The following PLXDC2 variants were observed in gnomAD, a reference collection of about 807,000 sequenced individuals.
PLXDC2 encodes plexin domain-containing protein 2.
Under a neutral mutation model 68.9 loss-of-function variants are expected in PLXDC2, and 40 were observed. The observed-to-expected ratio is 0.58, with a 90% CI of 0.45 to 0.76. The LOEUF is 0.76. PLXDC2 is among the 30% of genes least tolerant of loss of function. The pLI is 0.00. For synonymous variants in PLXDC2, 243 were observed against 234.2 expected, an observed-to-expected ratio of 1.04 and a Z score of -0.34; for missense variants, 644 against 661.9, an observed-to-expected ratio of 0.97 and a Z score of 0.30.
intron 9 of PLXDC2, among the ~76,000 whole-genome samples, chr10:20,202,081 C>T (rs562841188): frequency 9.2e-5 from 14 of 152,152 alleles, no homozygotes; most frequent in Admixed American, 3.9e-4. Context: ...AAATTGTGTG[C>T]GGCAGTTCAG....
At chr10:20,051,263 C>T (rs1371678855) in intron 3 of PLXDC2, among the ~76,000 whole-genome samples, 1 of 151,444 alleles carries the variant, frequency 6.6e-6, no homozygotes, top group East Asian at 1.9e-4. Flanking sequence ...GGCAGAGGAG[C>T]AGAAAAGGTA....
At chr10:20,114,937 C>A (rs745703135) in intron 4 of PLXDC2, among the ~76,000 whole-genome samples, 2 of 152,174 alleles carry the variant, frequency 1.3e-5, no homozygotes, top group African/African-American at 2.4e-5. Context: ...AAGTAAAGCA[C>A]TGAATACAAA....
chr10:19,903,357 G>C (rs1268011714), intron 1 of PLXDC2, among the ~76,000 whole-genome samples: 2 of 148,640 alleles, frequency 1.3e-5, no homozygotes, highest in Non-Finnish European at 3.0e-5. Context: ...AATCTCACTT[G>C]TTACTGGTCT....
intron 9 of PLXDC2, among the ~76,000 whole-genome samples, chr10:20,204,353 A>T (rs7922810): frequency 0.21 from 31,680 of 152,056 alleles, 4,331 homozygotes; most frequent in East Asian, 0.4. Context: ...ATTTTATGTC[A>T]TAATAAAACA....
At chr10:19,933,471 TA>T (rs776644173) in intron 1 of PLXDC2, among the ~76,000 whole-genome samples, 3 of 151,666 alleles carry the variant, frequency 2.0e-5, no homozygotes, top group Non-Finnish European at 4.4e-5. Flanking sequence ...CCATCTCTCG[TA>T]AAAATACAAA....
chr10:20,037,984 C>T (rs984977349), intron 2 of PLXDC2, among the ~76,000 whole-genome samples: 2 of 152,182 alleles, frequency 1.3e-5, no homozygotes, highest in African/African-American at 2.4e-5. Context: ...GAAGTACATG[C>T]CTGTAATCCC....
chr10:19,832,007 C>T (rs997116284), intron 1 of PLXDC2, among the ~76,000 whole-genome samples: 1 of 152,110 alleles, frequency 6.6e-6, no homozygotes, highest in African/African-American at 2.4e-5. Context: ...TTTTGTTAGT[C>T]CAATAATCTG....
At chr10:19,838,335 A>G (rs1217904558) in intron 1 of PLXDC2, among the ~76,000 whole-genome samples, 1 of 152,196 alleles carries the variant, frequency 6.6e-6, no homozygotes, top group Non-Finnish European at 1.5e-5. Flanking sequence ...AGATTATGGA[A>G]TTATTCATTT....
At chr10:20,264,917 A>C (rs1452720387) in intron 13 of PLXDC2, among the ~76,000 whole-genome samples, 1 of 152,178 alleles carries the variant, frequency 6.6e-6, no homozygotes, top group Non-Finnish European at 1.5e-5. Context: ...TGTGTACCTG[A>C]GATTATTTAC....
intron 6 of PLXDC2, among the ~76,000 whole-genome samples, chr10:20,155,601 A>C (rs1253749837): frequency 6.6e-6 from 1 of 152,180 alleles, no homozygotes; most frequent in Non-Finnish European, 1.5e-5. Context: ...GGACTTCCCT[A>C]TATTTTAAAC....
rs193068500 is a variant in PLXDC2, at chr10:19,870,506, A to G, written c.112+53315A>G. On this transcript the variant is annotated intron_variant, in intron 1 of 13. Coordinates refer to ENST00000377252, the MANE Select transcript of PLXDC2 (RefSeq NM_032812.9). ...AGTGGCACAATCTCACCTCACTGCA[A>G]TCTCTGCCTCCCGGGTTCAAGTGAT... Among the ~76,000 whole-genome samples the G allele has an allele frequency of 8.4e-3, 1,280 of 151,974 alleles. 21 individuals are homozygous for G. The highest frequency in any genetic ancestry group is 0.029 in the African/African-American group (1,219 of 41,456).
chr10:20,197,233 C>A (rs1834851885), intron 9 of PLXDC2, among the ~76,000 whole-genome samples: 1 of 152,122 alleles, frequency 6.6e-6, no homozygotes, highest in Admixed American at 6.6e-5. Context: ...TGCAACATTT[C>A]ATTCATGTAT....
At chr10:19,829,154 C>CTT (rs71388870) in intron 1 of PLXDC2, among the ~76,000 whole-genome samples, 3,398 of 93,764 alleles carry the variant, frequency 0.036, 21 homozygotes, top group African/African-American at 0.048. Context: ...ACGCTTTCCT[C>CTT]TTTTTTTTTT....
At position 19,816,966 on chromosome 10, in the gene PLXDC2, C is replaced by G. The variant is rs557913471; in HGVS notation, c.-114C>G. The G allele has an allele frequency of 5.6e-6, 4 of 711,056 alleles. No homozygotes were observed. In the Admixed American group the frequency reaches 8.1e-5, roughly 14 times the overall value. The allele number at this position is 711,056 out of a possible 1,614,324, so 44.0% of individuals were successfully genotyped here. On this transcript the variant is annotated 5_prime_UTR_variant, in exon 1 of 14. Transcript: ENST00000377252. Reference sequence around the variant, plus strand: ...TCGCAGCGACATTTACAAAGGCCTCCGGGTCCTACCGAGACCGATCCGCAG... The same window carrying G: ...TCGCAGCGACATTTACAAAGGCCTCGGGGTCCTACCGAGACCGATCCGCAG...
At chr10:20,054,596 C>T (rs11011761) in intron 3 of PLXDC2, among the ~76,000 whole-genome samples, 62 of 151,958 alleles carry the variant, frequency 4.1e-4, no homozygotes, top group East Asian at 1.2e-3. Context: ...AGCAAACTAT[C>T]GCAAGGACAA....
chr10:19,905,596 A>G (rs537322703), intron 1 of PLXDC2, among the ~76,000 whole-genome samples: 5 of 152,048 alleles, frequency 3.3e-5, no homozygotes, highest in Non-Finnish European at 7.4e-5. Context: ...GAGGGTCCCT[A>G]TACTGAGTGC....
intron 1 of PLXDC2, among the ~76,000 whole-genome samples, chr10:19,908,656 A>G (rs1052402868): frequency 6.6e-6 from 1 of 152,180 alleles, no homozygotes; most frequent in Non-Finnish European, 1.5e-5. Context: ...GTTTAGGATC[A>G]AGATTGTGTT....
intron 13 of PLXDC2, 34 bp from the exon 14 acceptor site, chr10:20,279,669 C>A: frequency 6.4e-7 from 1 of 1,552,630 alleles, no homozygotes; most frequent in Non-Finnish European, 8.9e-7. Context: ...CTTACCCTGA[C>A]GCACATTTTT....
chr10:20,241,410 C>T (rs1017858962), intron 12 of PLXDC2, among the ~76,000 whole-genome samples: 11 of 152,154 alleles, frequency 7.2e-5, no homozygotes, highest in African/African-American at 1.2e-4. Flanking sequence ...AGTTCTGGTC[C>T]TCCAGCACAT....
Sources: gnomAD v4.1 joint callset for allele counts (sites outside exome capture counted in the v4.1 genomes callset) on GRCh38, gnomAD v4.1.1 for gene constraint, MANE v1.5 for transcripts, NCBI Gene and HGNC (gene_info 2026-07-23, HGNC 2026-07-21) for gene names.